The following RAB6B variants were observed in gnomAD, a reference collection of about 807,000 sequenced individuals.
RAB6B encodes RAB6B, member RAS oncogene family, also known as ras-related protein Rab-6B.
A neutral mutation model predicts 31.2 loss-of-function variants in RAB6B; 7 were observed. The observed-to-expected ratio is 0.22, with a 90% CI of 0.13 to 0.42. RAB6B has a LOEUF of 0.42. Ranked by LOEUF, RAB6B falls within the 10% of genes least tolerant of loss-of-function variation. RAB6B has a pLI of 1.00. For synonymous variants in RAB6B, 105 were observed against 104.9 expected (o/e 1.00, Z -0.01); for missense variants, 149 against 280.6 (o/e 0.53, Z 3.35).
At chr3:133,887,209 T>C (rs963720732) in intron 1 of RAB6B, among the ~76,000 whole-genome samples, 3 of 152,306 alleles carry the variant, frequency 2.0e-5, no homozygotes, top group Non-Finnish European at 4.4e-5. Context: ...GTCCTAATCA[T>C]GGTTCCTCTC....
At chr3:133,869,204 C>T (rs1936282892) in intron 1 of RAB6B, among the ~76,000 whole-genome samples, 2 of 152,212 alleles carry the variant, frequency 1.3e-5, no homozygotes, top group Non-Finnish European at 2.9e-5. Context: ...CAGAAGGCAA[C>T]AGGCTAGGTT....
Position 133,895,595 on chromosome 3 carries a change from T to G in RAB6B, c.-129A>C. The G allele has an allele frequency of 1.2e-6, 1 of 848,356 alleles. No individual in the cohort carries two copies. The highest frequency in any genetic ancestry group is 1.9e-6 in the Non-Finnish European group (1 of 535,420). 52.6% of individuals were successfully genotyped at this position (848,356 alleles called of 1,614,324 possible). ...GAGGGGGAAGGGCTGGCTGCGCGCG[T>G]CCCTGACTCCCCAGCTGCGTCCCGG... is the stretch of plus-strand genomic sequence containing the variant. On this transcript the variant is annotated 5_prime_UTR_variant, in exon 1 of 8. Coordinates refer to ENST00000285208, the MANE Select transcript of RAB6B (RefSeq NM_016577.4).
intron 1 of RAB6B, among the ~76,000 whole-genome samples, chr3:133,873,292 G>T (rs1213959643): frequency 6.6e-6 from 1 of 152,232 alleles, no homozygotes; most frequent in Non-Finnish European, 1.5e-5. Context: ...ACTTTCAGCA[G>T]CTCTGTGGTT....
chr3:133,828,783 C>A lies in RAB6B; in HGVS notation c.*5G>T. The stretch of plus-strand genomic sequence containing the variant: ...TGTCATGGGAAGCCACAGGTCGGCT[C>A]TGCATTAGCAGGAGCAGCCGCCCTC... On this transcript the variant is annotated 3_prime_UTR_variant, in exon 8 of 8. Coordinates refer to ENST00000285208, the MANE Select transcript of RAB6B (RefSeq NM_016577.4). 1 of 1,607,630 alleles carries A rather than the reference C, an allele frequency of 6.2e-7. No individual in the cohort carries two copies. The highest frequency in any genetic ancestry group is 1.1e-5 in the South Asian group (1 of 90,944).
intron 2 of RAB6B, among the ~76,000 whole-genome samples, chr3:133,847,922 C>T (rs1576397384): frequency 6.6e-6 from 1 of 152,278 alleles, no homozygotes; most frequent in East Asian, 1.9e-4. Context: ...TCCTTTCTTT[C>T]CCTAAAATGT....
At chr3:133,855,147 A>C (rs1936055708) in intron 2 of RAB6B, among the ~76,000 whole-genome samples, 1 of 152,270 alleles carries the variant, frequency 6.6e-6, no homozygotes, top group Non-Finnish European at 1.5e-5. Context: ...TGAAAGTATC[A>C]GGGTAAAGTC....
intron 2 of RAB6B, among the ~76,000 whole-genome samples, chr3:133,851,293 G>A (rs1935980638): frequency 6.6e-6 from 1 of 152,144 alleles, no homozygotes; most frequent in African/African-American, 2.4e-5. Context: ...TAAAAGTGAT[G>A]GCTTCAGTAC....
At position 133,825,598 on chromosome 3, in the gene RAB6B, A is replaced by C. The variant is rs1170660152; in HGVS notation, c.*3190T>G. ...ATTCTGATGTCACACCTTCATGTTG[A>C]TGTATGTATGATCACCCAGCAAGTT... On this transcript the variant is annotated 3_prime_UTR_variant, in exon 8 of 8. Transcript: ENST00000285208. The C allele has an allele frequency of 6.6e-6, 1 of 152,210 alleles. No homozygotes were observed. The highest frequency in any genetic ancestry group is 1.5e-5 in the Non-Finnish European group (1 of 68,040). 9.4% of individuals were successfully genotyped at this position (152,210 alleles called of 1,614,324 possible). A position where few individuals can be genotyped will look rare whatever the true frequency, so the allele number is the denominator to read the frequency against.
At chr3:133,856,607 G>A (rs1249963607) in intron 2 of RAB6B, among the ~76,000 whole-genome samples, 2 of 152,182 alleles carry the variant, frequency 1.3e-5, no homozygotes, top group African/African-American at 4.8e-5. Flanking sequence ...TTGCCAATGG[G>A]TACTGGGTGA....
intron 1 of RAB6B, among the ~76,000 whole-genome samples, chr3:133,881,291 G>A (rs1291970135): frequency 2.6e-5 from 4 of 152,188 alleles, no homozygotes; most frequent in Non-Finnish European, 5.9e-5. Context: ...GATGTGAAGA[G>A]GGGCCACAGA....
intron 2 of RAB6B, among the ~76,000 whole-genome samples, chr3:133,850,766 C>T (rs2107996065): frequency 6.6e-6 from 1 of 152,094 alleles, no homozygotes; most frequent in African/African-American, 2.4e-5. Context: ...CTTCTGAGTG[C>T]AAAATGAGAC....
rs185987896 is a variant in RAB6B at position 133,860,901 on chromosome 3, G to T, written c.129+3683C>A. Among the ~76,000 whole-genome samples, 63 of 152,310 alleles carry T rather than the reference G, an allele frequency of 4.1e-4. 1 individual carries two copies. The highest frequency in any genetic ancestry group is 1.4e-3 in the African/African-American group (59 of 41,576). On this transcript the variant is annotated intron_variant, in intron 2 of 7. Coordinates refer to ENST00000285208, the MANE Select transcript of RAB6B (RefSeq NM_016577.4). ...CTCTAAGTGCATCACAATCACTGCTGAGGCTTTAAGCATGCTAATACCCGA... is the reference window on the plus strand; with the variant it reads ...CTCTAAGTGCATCACAATCACTGCTTAGGCTTTAAGCATGCTAATACCCGA...
chr3:133,894,091 C>G (rs1296936445), intron 1 of RAB6B, among the ~76,000 whole-genome samples: 1 of 152,238 alleles, frequency 6.6e-6, no homozygotes, highest in East Asian at 1.9e-4. Context: ...CCCTCATGTA[C>G]ACACAGCACA....
chr3:133,848,541 G>A (rs1248258470), intron 2 of RAB6B, among the ~76,000 whole-genome samples: 2 of 152,156 alleles, frequency 1.3e-5, no homozygotes, highest in African/African-American at 4.8e-5. Context: ...TCACAATTCT[G>A]GAAGCTGCGA....
In RAB6B at chr3:133,828,258, G is replaced by A. The variant is rs1406261487; in HGVS notation, c.*530C>T. 2.0e-6 allele frequency: 1 copy of A among 492,266 alleles called. No individual in the cohort carries two copies. Among genetic ancestry groups the A allele is most frequent in the African/African-American group, 1.9e-5 (1 of 51,690 alleles). 30.5% of individuals were successfully genotyped at this position (492,266 alleles called of 1,614,324 possible). The stretch of plus-strand genomic sequence containing the variant: ...GTTCAACCAATGTTTGATTTAACTG[G>A]AGTAGGGCCTAGAGAGTGGGGCCAG... On this transcript the variant is annotated 3_prime_UTR_variant, in exon 8 of 8. Transcript: ENST00000285208.
chr3:133,876,182 G>C (rs1053383547), intron 1 of RAB6B, among the ~76,000 whole-genome samples: 6 of 152,126 alleles, frequency 3.9e-5, no homozygotes, highest in Non-Finnish European at 7.4e-5. Context: ...AGATGTTCAC[G>C]TAAGACTCTA....
At chr3:133,876,560 C>A (rs932695832) in intron 1 of RAB6B, among the ~76,000 whole-genome samples, 2 of 152,108 alleles carry the variant, frequency 1.3e-5, no homozygotes, top group Admixed American at 6.6e-5. Flanking sequence ...CAAAAAAAAT[C>A]TTGAAAAATC....
At chr3:133,848,563 A>G (rs2107994924) in intron 2 of RAB6B, among the ~76,000 whole-genome samples, 1 of 152,334 alleles carries the variant, frequency 6.6e-6, no homozygotes, top group Non-Finnish European at 1.5e-5. Context: ...GTCTAAGAAC[A>G]TGGCACTGGT....
At chr3:133,834,483 A>T (rs1935703069) in intron 7 of RAB6B, 92 bp downstream of exon 7, 1 of 1,368,278 alleles carries the variant, frequency 7.3e-7, no homozygotes, top group East Asian at 2.3e-5. Flanking sequence ...CTGGGCGGGG[A>T]CTGGGCGAGT....
Sources: allele counts gnomAD v4.1 joint callset (sites outside exome capture counted in the v4.1 genomes callset), GRCh38; gene constraint gnomAD v4.1.1; transcripts MANE v1.5; gene names NCBI Gene and HGNC (gene_info 2026-07-23, HGNC 2026-07-21).